SCAF11: variants seen among roughly 807,000 people sequenced by gnomAD.
SCAF11 encodes SR-related CTD associated factor 11.
In SCAF11, 47 loss-of-function variants were observed where a neutral mutation model predicts 140.5. That is an observed-to-expected ratio of 0.33 (90% CI 0.26 to 0.43). The LOEUF is 0.43. SCAF11 is among the 20% of genes least tolerant of loss of function. The probability of loss-of-function intolerance (pLI) is 1.00; values close to 1 mark genes in which losing one functional copy is unlikely to be tolerated. For missense variants in SCAF11, 1,645 were observed against 1,705.1 expected (o/e 0.96, Z 0.62); for synonymous variants, 557 against 579.4 (o/e 0.96, Z 0.55).
intron 1 of SCAF11, chr12:45,974,224 A>C (rs1460790830): frequency 2.1e-6 from 1 of 470,810 alleles, no homozygotes; most frequent in Non-Finnish European, 4.4e-6. Flanking sequence ...CATCTCAGCA[A>C]GGCTTCAGCA....
chr12:45,922,579 A>G lies in SCAF11; in HGVS notation c.4129T>C (p.Leu1377=), dbSNP rs756501243. The change falls in exon 14 of 15, where the codon TTG becomes CTG. Residue 1377 remains leucine (L), a synonymous_variant. Coordinates refer to ENST00000369367, the MANE Select transcript of SCAF11 (RefSeq NM_004719.3). ...TGTGCTGCTTTTTCTTGAATTTGCA[A>G]TTTCTGATGAGAAGAAAATGTATAA... ...SADSSKTDKK[L]QIQEKAAQEV... The G allele has an allele frequency of 1.3e-6, 2 of 1,586,346 alleles. No individual in the cohort carries two copies. Among genetic ancestry groups the G allele is most frequent in the South Asian group, 2.3e-5 (2 of 85,238 alleles).
intron 1 of SCAF11, among the ~76,000 whole-genome samples, chr12:45,972,897 T>TATATATAGATAGATATAG (rs1565688754): frequency 1.5e-5 from 1 of 64,850 alleles, no homozygotes; most frequent in African/African-American, 5.9e-5. Flanking sequence ...TATATAGATA[T>TATATATAGATAGATATAG]ATATATATAT....
At chr12:45,983,532 A>G (rs1386613835) in intron 1 of SCAF11, among the ~76,000 whole-genome samples, 1 of 152,192 alleles carries the variant, frequency 6.6e-6, no homozygotes. Flanking sequence ...ACTGCATTAA[A>G]AAGGCTTAAA....
chr12:45,986,490 C>T (rs895963737), intron 1 of SCAF11, among the ~76,000 whole-genome samples: 1 of 152,192 alleles, frequency 6.6e-6, no homozygotes, highest in Non-Finnish European at 1.5e-5. Flanking sequence ...AACTAATTCT[C>T]CCAGATCTCT....
At position 45,922,076 on chromosome 12, in the gene SCAF11, G is replaced by C. The variant is rs1944727609; in HGVS notation, c.4364C>G (p.Pro1455Arg). The C allele has an allele frequency of 2.5e-6, 4 of 1,613,120 alleles. No individual in the cohort carries two copies. The South Asian group carries it at 3.3e-5, about 13-fold the overall frequency. The part of the protein sequence containing the change: ...KGSQKKTLEE[P>R]VSTEKNIG ...GCCTATGTTTTTTTCAGTAGACACA[G>C]GTTCTTCCAGAGTTTTCTTTTGGCT... Residue 1455 changes from proline (P) to arginine (R), a missense_variant, in exon 15 of 15, where the codon CCT becomes CGT. Transcript: ENST00000369367.
At chr12:45,932,040 C>CAT (rs146979342) in intron 9 of SCAF11, among the ~76,000 whole-genome samples, 3,079 of 148,918 alleles carry the variant, frequency 0.021, 45 homozygotes, top group Middle Eastern at 0.035. Context: ...AAAGTGTGTG[C>CAT]ATATATATAT....
At chr12:45,978,188 G>A (rs1946277078) in intron 1 of SCAF11, among the ~76,000 whole-genome samples, 1 of 152,156 alleles carries the variant, frequency 6.6e-6, no homozygotes, top group African/African-American at 2.4e-5. Flanking sequence ...AGTAGCATAT[G>A]TCCTTTGATA....
intron 1 of SCAF11, among the ~76,000 whole-genome samples, chr12:45,989,610 T>C (rs1456279473): frequency 6.6e-6 from 1 of 152,198 alleles, no homozygotes; most frequent in Non-Finnish European, 1.5e-5. Context: ...CTGTAGGAAA[T>C]CTTTTTAATG....
chr12:45,965,207 G>A (rs541781102), intron 1 of SCAF11, among the ~76,000 whole-genome samples: 5 of 152,162 alleles, frequency 3.3e-5, no homozygotes, highest in Admixed American at 6.5e-5. Context: ...AGATAGATAC[G>A]CCAGCCAAGT....
chr12:45,936,104 T>G (rs1354337494), intron 6 of SCAF11, among the ~76,000 whole-genome samples: 1 of 152,092 alleles, frequency 6.6e-6, no homozygotes, highest in Non-Finnish European at 1.5e-5. Flanking sequence ...ATTTACTTAT[T>G]ACTAAATAAC....
Position 45,926,618 on chromosome 12 carries a change from A to T in SCAF11, c.3083T>A (p.Ile1028Lys), listed in dbSNP as rs1335550848. Residue 1028 changes from isoleucine (I) to lysine (K), a missense_variant, in exon 11 of 15, where the codon ATA becomes AAA. By Grantham distance (102) the Ile-to-Lys change is moderately radical. Around this residue, in one of 2 missense-constraint regions of SCAF11, gnomAD observed 1,582 missense variants for 1,609.2 expected, o/e 0.98. Coordinates refer to ENST00000369367, the MANE Select transcript of SCAF11 (RefSeq NM_004719.3). ...NDCPNWITEKINSGPDPRTRN... is the reference protein window; with the variant it reads ...NDCPNWITEKKNSGPDPRTRN... ...GGTTCTTGGATCAGGCCCAGAGTTT[A>T]TTTTTTCTGTTATCCAATTGGGACA... 1 of 1,613,610 alleles carries T rather than the reference A, an allele frequency of 6.2e-7. No homozygotes were observed. The highest frequency in any genetic ancestry group is 1.3e-5 in the African/African-American group (1 of 74,790).
chr12:45,933,573 C>T (rs1945104408), intron 8 of SCAF11, among the ~76,000 whole-genome samples: 2 of 152,036 alleles, frequency 1.3e-5, no homozygotes, highest in Non-Finnish European at 1.5e-5. Flanking sequence ...CTACTTGAAA[C>T]TAAGCCTAAG....
intron 1 of SCAF11, 47 bp from the exon 2 acceptor site, chr12:45,964,235 A>G (rs755164439): frequency 1.2e-6 from 1 of 858,854 alleles, no homozygotes. Context: ...CCTTCTCCCA[A>G]TAATATCAAT....
rs374268135 is a variant in SCAF11, at chr12:45,945,212, A to C, written c.463+37T>G. The C allele has an allele frequency of 9.9e-4, 1,295 of 1,308,850 alleles. 4 individuals are homozygous for C. Among genetic ancestry groups the C allele is most frequent in the East Asian group, 1.1e-3 (47 of 43,336 alleles). The allele number at this position is 1,308,850 out of a possible 1,614,324, so 81.1% of individuals were successfully genotyped here. A position where few individuals can be genotyped will look rare whatever the true frequency, so the allele number is the denominator to read the frequency against. On this transcript the variant is annotated intron_variant, in intron 6 of 14. Transcript: ENST00000369367. ...CAACCATTAAATTAAAAAACAACAA[A>C]AAAAAAGGTAGAATCCACAAGCAAA... is the stretch of plus-strand genomic sequence containing the variant.
chr12:45,930,440 G>GGTTTTTTTTTTTTTTTTTTTTTT (rs376228492), intron 10 of SCAF11, among the ~76,000 whole-genome samples: 1 of 140,442 alleles, frequency 7.1e-6, no homozygotes, highest in African/African-American at 2.8e-5. Flanking sequence ...TTTGCGTTGT[G>GGTTTTTTTTTTTTTTTTTTTTTT]TTTTGTTTTT....
rs900458350 is a variant in SCAF11 at position 45,990,489 on chromosome 12, A to C, written c.-158T>G. On this transcript the variant is annotated 5_prime_UTR_variant, in exon 1 of 15. Coordinates refer to ENST00000369367, the MANE Select transcript of SCAF11 (RefSeq NM_004719.3). ...GTGTTACAGGGTCTCTAGGACACTG[A>C]CTCCGCTGGCTCGGTCCGGAGGCGG... The C allele has an allele frequency of 1.1e-5, 14 of 1,228,478 alleles. No homozygotes were observed. Among genetic ancestry groups the C allele is most frequent in the Non-Finnish European group, 1.4e-5 (14 of 987,044 alleles). The allele number at this position is 1,228,478 out of a possible 1,614,324, so 76.1% of individuals were successfully genotyped here.
chr12:45,955,890 ACTG>A, intron 3 of SCAF11: 1 of 394,022 alleles, frequency 2.5e-6, no homozygotes, highest in African/African-American at 2.1e-5. Context: ...GAATTTGCTC[ACTG>A]CTTTACAGTG....
At chr12:45,945,223 G>A (rs1592187708) in intron 6 of SCAF11, 26 bp downstream of exon 6, 1 of 1,408,794 alleles carries the variant, frequency 7.1e-7, no homozygotes, top group South Asian at 1.2e-5. Context: ...AAAAAAGGTA[G>A]AATCCACAAG....
chr12:45,973,956 T>G (rs1226287811), intron 1 of SCAF11, among the ~76,000 whole-genome samples: 2 of 152,164 alleles, frequency 1.3e-5, no homozygotes, highest in Non-Finnish European at 2.9e-5. Context: ...TAAAATAGGT[T>G]TGGCATTAAA....
Sources: allele counts gnomAD v4.1 joint callset (sites outside exome capture counted in the v4.1 genomes callset), GRCh38; gene constraint gnomAD v4.1.1; regional missense constraint gnomAD v4.1.1; transcripts MANE v1.5; gene names NCBI Gene and HGNC (gene_info 2026-07-23, HGNC 2026-07-21).